Variants in PCDHGA2 observed in about 807,000 individuals in gnomAD.
PCDHGA2 encodes protocadherin gamma-A2.
In PCDHGA2, 40 loss-of-function variants were observed where a neutral mutation model predicts 59.2. The observed-to-expected ratio is 0.68, with a 90% CI of 0.52 to 0.88. The LOEUF (loss-of-function observed/expected upper bound fraction) is 0.88. Among genes scored for constraint, PCDHGA2 ranks in the 40% least tolerant of loss-of-function variants. The pLI is 0.00. For synonymous variants in PCDHGA2, 560 were observed against 526.0 expected (o/e 1.06, Z -0.89); for missense variants, 1,226 against 1,204.0 (o/e 1.02, Z -0.27).
rs1161493111 is a variant in PCDHGA2 at position 141,340,872 on chromosome 5, A to G, written c.1901A>G (p.Asp634Gly). 8 of 1,613,490 alleles carry G rather than the reference A, an allele frequency of 5.0e-6. No homozygotes were observed. The highest frequency in any genetic ancestry group is 4.2e-6 in the Non-Finnish European group (5 of 1,179,912). The change falls in exon 1 of 4, where the codon GAC becomes GGC. Residue 634 changes from aspartate (D) to glycine (G), a missense_variant. Asp to Gly is a moderately conservative substitution (Grantham distance 94). Coordinates refer to ENST00000394576, the MANE Select transcript of PCDHGA2 (RefSeq NM_018915.4). Reference protein sequence around the residue: ...GEVRTARALLDRDALKQSLVV... With the variant: ...GEVRTARALLGRDALKQSLVV... ...GTGCGCACGGCGCGAGCCCTGCTGG[A>G]CAGAGACGCGCTCAAGCAGAGCCTC...
At chr5:141,342,901 A>T (rs1410396664) in intron 1 of PCDHGA2, 2 of 152,192 alleles carry the variant, frequency 1.3e-5, no homozygotes, top group African/African-American at 4.8e-5. Context: ...AACAAAGGAA[A>T]CTTCTTTCAG....
intron 1 of PCDHGA2, among the ~76,000 whole-genome samples, chr5:141,402,220 C>T (rs1489596372): frequency 2.0e-5 from 3 of 151,886 alleles, no homozygotes; most frequent in African/African-American, 2.4e-5. Context: ...TTAAAATAAA[C>T]GTTTTTCCAG....
intron 1 of PCDHGA2, chr5:141,344,858 T>G: frequency 6.2e-7 from 1 of 1,613,958 alleles, no homozygotes; most frequent in Non-Finnish European, 8.5e-7. Context: ...GATTCAATGC[T>G]CAAGTGTCTT....
chr5:141,389,785 A>ACGCCGTCCGCCAGCGCCTTCTGGT (rs780757695), intron 1 of PCDHGA2: 1 of 1,613,332 alleles, frequency 6.2e-7, no homozygotes, highest in South Asian at 1.1e-5. Flanking sequence ...GGCGACAGGG[A>ACGCCGTCCGCCAGCGCCTTCTGGT]CGCCGTCCGC....
chr5:141,420,547 G>A (rs898726649), intron 1 of PCDHGA2: 1 of 278,678 alleles, frequency 3.6e-6, no homozygotes, highest in Non-Finnish European at 6.4e-6. Context: ...TAAAATACAG[G>A]TATATTTTTA....
chr5:141,381,828 T>TTC (rs1777612038), intron 1 of PCDHGA2, among the ~76,000 whole-genome samples: 1 of 112,014 alleles, frequency 8.9e-6, no homozygotes, highest in Non-Finnish European at 1.8e-5. Context: ...TTCTTCTTCT[T>TTC]TTTTTTTTTT....
chr5:141,501,132 G>T (rs371444727), intron 2 of PCDHGA2, among the ~76,000 whole-genome samples: 2 of 152,262 alleles, frequency 1.3e-5, no homozygotes, highest in East Asian at 3.9e-4. Flanking sequence ...CTCCCTAAGT[G>T]CTGGGATTAC....
chr5:141,422,938 G>A (rs1226350240), intron 1 of PCDHGA2: 2 of 1,614,116 alleles, frequency 1.2e-6, no homozygotes, highest in Non-Finnish European at 1.7e-6. Flanking sequence ...CCTCCCCACA[G>A]ACGGCTCCAC....
intron 1 of PCDHGA2, among the ~76,000 whole-genome samples, 184 bp from the exon 2 acceptor site, chr5:141,494,623 C>A (rs2099755716): frequency 6.6e-6 from 1 of 152,146 alleles, no homozygotes; most frequent in Non-Finnish European, 1.5e-5. Flanking sequence ...GTTTCTGGTA[C>A]CTCAGACCTC....
chr5:141,355,695 C>G (rs1485477328), intron 1 of PCDHGA2: 1 of 1,614,008 alleles, frequency 6.2e-7, no homozygotes, highest in Non-Finnish European at 8.5e-7. Flanking sequence ...TAGGTGTAAA[C>G]TCCCTGCAGG....
At chr5:141,408,479 G>A in intron 1 of PCDHGA2, 1 of 1,614,074 alleles carries the variant, frequency 6.2e-7, no homozygotes, top group Non-Finnish European at 8.5e-7. Flanking sequence ...AATAGACCGT[G>A]AGCAAATATG....
rs1003050993 is a variant in PCDHGA2, at chr5:141,477,637, T to A, written c.2425-17170T>A. ...AAGGAGCTGAAACCGGGCTAGTGGG[T>A]CGCTATTTCACAATAAATCGTGACA... On this transcript the variant is annotated intron_variant, in intron 1 of 3. Transcript: ENST00000394576. This position sits in a 1 kb window ranked among gnomAD's most constrained non-coding sequence, Gnocchi z 4.9. 6.2e-7 allele frequency: 1 copy of A among 1,614,154 alleles called. No individual in the cohort carries two copies. Among genetic ancestry groups the A allele is most frequent in the African/African-American group, 1.3e-5 (1 of 75,040 alleles).
intron 1 of PCDHGA2, among the ~76,000 whole-genome samples, chr5:141,457,632 G>A (rs919693977): frequency 6.6e-6 from 1 of 152,142 alleles, no homozygotes; most frequent in African/African-American, 2.4e-5. Flanking sequence ...CTTATACTTG[G>A]CCTGATTATT....
intron 1 of PCDHGA2, chr5:141,415,573 G>T (rs375863243): frequency 1.9e-6 from 3 of 1,614,022 alleles, no homozygotes; most frequent in South Asian, 2.2e-5. Context: ...TTTGTTAGAT[G>T]ATTCGAAGTT....
intron 1 of PCDHGA2, chr5:141,365,695 C>T: frequency 6.2e-7 from 1 of 1,613,656 alleles, no homozygotes; most frequent in Non-Finnish European, 8.5e-7. Context: ...TCCCTCAAGC[C>T]TCCTACTCCA....
intron 1 of PCDHGA2, among the ~76,000 whole-genome samples, chr5:141,449,240 G>A (rs535847654): frequency 6.6e-6 from 1 of 152,186 alleles, no homozygotes; most frequent in Non-Finnish European, 1.5e-5. Context: ...ATTTTCAAAG[G>A]AGTTGCAAGA....
chr5:141,345,009 G>T, intron 1 of PCDHGA2: 2 of 1,613,978 alleles, frequency 1.2e-6, no homozygotes, highest in Non-Finnish European at 1.7e-6. Flanking sequence ...GGATGGACCA[G>T]GTCTTCTTTC....
At chr5:141,368,970 C>T (rs551619328) in intron 1 of PCDHGA2, among the ~76,000 whole-genome samples, 1 of 152,290 alleles carries the variant, frequency 6.6e-6, no homozygotes, top group South Asian at 2.1e-4. Context: ...TGCTATAATG[C>T]TTTTCCACTA....
intron 1 of PCDHGA2, chr5:141,384,517 C>G: frequency 6.2e-7 from 1 of 1,614,192 alleles, no homozygotes; most frequent in South Asian, 1.1e-5. Context: ...CAGCGGGGAC[C>G]CGCCTCTCAG....
Sources: gnomAD v4.1 joint callset for allele counts (sites outside exome capture counted in the v4.1 genomes callset) on GRCh38, gnomAD v4.1.1 for gene constraint, Gnocchi (gnomAD v3.1) non-coding constraint, MANE v1.5 for transcripts, NCBI Gene and HGNC (gene_info 2026-07-23, HGNC 2026-07-21) for gene names.